Variants in CSMD3 observed in about 807,000 individuals in gnomAD.
CSMD3 encodes CUB and sushi domain-containing protein 3.
CSMD3 carries 177 observed loss-of-function variants against 435.2 expected under a neutral mutation model. The observed-to-expected ratio is 0.41, with a 90% CI of 0.36 to 0.46. The LOEUF is 0.46. CSMD3 is among the 20% of genes least tolerant of loss of function. The pLI is 0.34. For missense variants in CSMD3, 4,265 were observed against 4,504.6 expected (o/e 0.95, Z 1.52); for synonymous variants, 1,656 against 1,520.5 (o/e 1.09, Z -2.07).
At chr8:112,788,146 C>G (rs1453266824) in intron 13 of CSMD3, among the ~76,000 whole-genome samples, 2 of 152,094 alleles carry the variant, frequency 1.3e-5, no homozygotes, top group Non-Finnish European at 2.9e-5. Context: ...CTCCAATGTT[C>G]TATGATTCCC....
At chr8:113,379,810 A>G (rs903892083) in intron 1 of CSMD3, among the ~76,000 whole-genome samples, 1 of 152,232 alleles carries the variant, frequency 6.6e-6, no homozygotes, top group Non-Finnish European at 1.5e-5. Flanking sequence ...AGCCTTATAT[A>G]TGCAGGAAAA....
At chr8:112,498,921 T>G (rs959942021) in intron 30 of CSMD3, among the ~76,000 whole-genome samples, 2 of 152,134 alleles carry the variant, frequency 1.3e-5, no homozygotes, top group African/African-American at 4.8e-5. Context: ...AAAACACCTC[T>G]TTACGATGCT....
intron 27 of CSMD3, among the ~76,000 whole-genome samples, chr8:112,531,394 GGGTGAGCC>G (rs1232286672): frequency 2.0e-5 from 3 of 152,166 alleles, no homozygotes; most frequent in Non-Finnish European, 2.9e-5. Context: ...TATGGGCATT[GGGTGAGCC>G]TCAGTGCTGT....
At chr8:112,590,964 G>T (rs769096043) in intron 22 of CSMD3, among the ~76,000 whole-genome samples, 222 of 152,130 alleles carry the variant, frequency 1.5e-3, no homozygotes, top group Non-Finnish European at 2.4e-3. Flanking sequence ...GCTATTAATA[G>T]GTAGTAATGT....
chr8:113,411,572 A>T (rs1459139423), intron 1 of CSMD3, among the ~76,000 whole-genome samples: 1 of 152,210 alleles, frequency 6.6e-6, no homozygotes, highest in Non-Finnish European at 1.5e-5. Flanking sequence ...GGTTTATAAG[A>T]TTGACTCAGT....
rs1253288826 is a variant in CSMD3 at position 112,838,905 on chromosome 8, C to T, written c.1756-9116G>A. Among the ~76,000 whole-genome samples, 4 of 151,596 alleles carry T rather than the reference C, an allele frequency of 2.6e-5. No individual in the cohort carries two copies. The Admixed American group carries it at 2.6e-4, about 10-fold the overall frequency. ...TGAAATAGGTAAATATTGTATGATA[C>T]AAAATGCTTAAACTATGACACATCA... On this transcript the variant is annotated intron_variant, in intron 11 of 70. Coordinates refer to ENST00000297405, the MANE Select transcript of CSMD3 (RefSeq NM_198123.2).
chr8:113,153,101 A>AAAGAAAGAAAAGAAAGAAAGAAAAG (rs35085690), intron 4 of CSMD3, among the ~76,000 whole-genome samples: 7 of 99,992 alleles, frequency 7.0e-5, no homozygotes, highest in African/African-American at 3.3e-4. Flanking sequence ...AGAAAGAAAG[A>AAAGAAAGAAAAGAAAGAAAGAAAAG]AAAGAAAGAA....
At chr8:113,153,101 A>AAAGAAAGAAAAAG (rs35085690) in intron 4 of CSMD3, among the ~76,000 whole-genome samples, 1 of 99,992 alleles carries the variant, frequency 1.0e-5, no homozygotes, top group African/African-American at 4.7e-5. Context: ...AGAAAGAAAG[A>AAAGAAAGAAAAAG]AAAGAAAGAA....
At chr8:113,093,290 A>G (rs1286322585) in intron 5 of CSMD3, among the ~76,000 whole-genome samples, 1 of 152,072 alleles carries the variant, frequency 6.6e-6, no homozygotes, top group Non-Finnish European at 1.5e-5. Flanking sequence ...AAGATGAGAA[A>G]AAAGCTGGGT....
At chr8:113,376,908 C>G (rs1053712809) in intron 1 of CSMD3, 4 of 1,546,350 alleles carry the variant, frequency 2.6e-6, no homozygotes, top group Non-Finnish European at 3.5e-6. Context: ...ACAAAACAGC[C>G]GTGGTTGTGG....
At chr8:113,224,062 G>C (rs968660879) in intron 3 of CSMD3, among the ~76,000 whole-genome samples, 1 of 151,084 alleles carries the variant, frequency 6.6e-6, no homozygotes, top group East Asian at 1.9e-4. Flanking sequence ...CCATCAGATA[G>C]ACCAGATAGA....
At chr8:113,012,745 T>C (rs2086302463) in intron 6 of CSMD3, among the ~76,000 whole-genome samples, 1 of 151,998 alleles carries the variant, frequency 6.6e-6, no homozygotes. Context: ...CAGTCTCTGG[T>C]GGTCCTTCAT....
chr8:113,031,280 T>C (rs2131240092), intron 5 of CSMD3, among the ~76,000 whole-genome samples: 1 of 151,618 alleles, frequency 6.6e-6, no homozygotes, highest in East Asian at 1.9e-4. Context: ...CAACAAACTG[T>C]AGCATATCCA....
At position 112,417,599 on chromosome 8, in the gene CSMD3, G is replaced by C. The variant is rs182706922; in HGVS notation, c.5396-8567C>G. Among the ~76,000 whole-genome samples the C allele has an allele frequency of 3.1e-3, 472 of 152,246 alleles. 1 individual carries two copies. Among genetic ancestry groups the C allele is most frequent in the African/African-American group, 9.3e-3 (387 of 41,560 alleles). On this transcript the variant is annotated intron_variant, in intron 32 of 70. Coordinates refer to ENST00000297405, the MANE Select transcript of CSMD3 (RefSeq NM_198123.2). ...GTAAAAAAGATAGAACTGCCTGGGT[G>C]AGATGAGTACTCCAGCTATTTTAAT...
intron 47 of CSMD3, among the ~76,000 whole-genome samples, chr8:112,318,398 T>C (rs1200098438): frequency 6.6e-6 from 1 of 152,090 alleles, no homozygotes; most frequent in African/African-American, 2.4e-5. Context: ...AAATTTATTT[T>C]TTGTTACTCT....
intron 27 of CSMD3, among the ~76,000 whole-genome samples, chr8:112,534,257 C>A (rs1010233069): frequency 1.3e-5 from 2 of 151,844 alleles, no homozygotes; most frequent in African/African-American, 4.8e-5. Context: ...AAAGGATCAA[C>A]AAAATTGATA....
At chr8:113,359,722 A>G (rs973708741) in intron 1 of CSMD3, among the ~76,000 whole-genome samples, 3 of 152,248 alleles carry the variant, frequency 2.0e-5, no homozygotes, top group Non-Finnish European at 4.4e-5. Flanking sequence ...TTGCCTTAAC[A>G]TTAAAAGTTT....
chr8:112,343,327 CTGT>C (rs1248569672), intron 41 of CSMD3, among the ~76,000 whole-genome samples: 28 of 152,018 alleles, frequency 1.8e-4, no homozygotes. Context: ...TGGTTCAAAT[CTGT>C]TGTTCATTTA....
intron 3 of CSMD3, among the ~76,000 whole-genome samples, chr8:113,184,572 C>G (rs182368483): frequency 6.6e-6 from 1 of 152,146 alleles, no homozygotes; most frequent in African/African-American, 2.4e-5. Context: ...TTGGAGTCCA[C>G]CCCAGTCTTT....
Sources: allele counts gnomAD v4.1 joint callset (sites outside exome capture counted in the v4.1 genomes callset), GRCh38; gene constraint gnomAD v4.1.1; transcripts MANE v1.5; gene names NCBI Gene and HGNC (gene_info 2026-07-23, HGNC 2026-07-21).